The following GPAM variants were observed in gnomAD, a reference collection of about 807,000 sequenced individuals.
GPAM encodes glycerol-3-phosphate acyltransferase 1, mitochondrial.
GPAM carries 56 observed loss-of-function variants against 105.0 expected under a neutral mutation model. The ratio of observed to expected loss-of-function variants is 0.53; its 90% confidence interval spans 0.43 to 0.67. GPAM has a LOEUF of 0.67. Ranked by LOEUF, GPAM falls within the 30% of genes least tolerant of loss-of-function variation. The pLI is 0.00. For missense variants in GPAM, 855 were observed against 989.8 expected (o/e 0.86, Z 1.83); for synonymous variants, 368 against 354.4 (o/e 1.04, Z -0.43).
chr10:112,212,449 G>C (rs1016656083), intron 1 of GPAM, among the ~76,000 whole-genome samples: 6 of 152,116 alleles, frequency 3.9e-5, no homozygotes, highest in Non-Finnish European at 8.8e-5. Flanking sequence ...ATTTTCAGTA[G>C]AGACGGGATT....
At chr10:112,221,584 AG>A in the GPAM span, among the ~76,000 whole-genome samples, 1 of 152,214 alleles carries the variant, frequency 6.6e-6, no homozygotes, top group South Asian at 2.1e-4. Flanking sequence ...GTATAAGATA[AG>A]GCATTTAAGT....
chr10:112,150,872 C>T lies in GPAM; in HGVS notation c.*2678G>A. ...GTTACTGGCAATTCCACAATTTGGG[C>T]TTACATTCATTGTAATCCCAGAAAT... is the stretch of plus-strand genomic sequence containing the variant. On this transcript the variant is annotated 3_prime_UTR_variant, in exon 22 of 22. Coordinates refer to ENST00000348367, the MANE Select transcript of GPAM (RefSeq NM_001244949.2). The T allele has an allele frequency of 1.0e-6, 1 of 984,530 alleles. No individual in the cohort carries two copies. The highest frequency in any genetic ancestry group is 5.2e-4 in the Middle Eastern group (1 of 1,912). 61.0% of individuals were successfully genotyped at this position (984,530 alleles called of 1,614,324 possible).
At chr10:112,201,286 AC>A (rs1847793813) in intron 1 of GPAM, among the ~76,000 whole-genome samples, 4 of 152,286 alleles carry the variant, frequency 2.6e-5, no homozygotes, top group African/African-American at 9.6e-5. Context: ...AATGCCTGAG[AC>A]CAAAGAGGAT....
At position 112,173,747 on chromosome 10, in the gene GPAM, T is replaced by G. The variant is rs1847354000; in HGVS notation, c.512A>C (p.Lys171Thr). ...KAVNKVKKKA[K>T]RILQEMVATV... ...GGCAACCATTTCTTGAAGAATCCTTTTAGCTTTCTTTTTCACTTTGTTAAC... is the reference window on the plus strand; with the variant it reads ...GGCAACCATTTCTTGAAGAATCCTTGTAGCTTTCTTTTTCACTTTGTTAAC... Residue 171 changes from lysine (K) to threonine (T), a missense_variant, in exon 7 of 22, where the codon AAA becomes ACA. Transcript: ENST00000348367. The G allele has an allele frequency of 3.1e-6, 5 of 1,613,852 alleles. No individual in the cohort carries two copies. The East Asian group carries it at 1.1e-4, about 36-fold the overall frequency.
At chr10:112,160,253 T>C in intron 16 of GPAM, 200 bp from the exon 17 acceptor site, 1 of 420,096 alleles carries the variant, frequency 2.4e-6, no homozygotes. Context: ...TCCAAAGACA[T>C]AAGCCCCCTC....
intron 1 of GPAM, among the ~76,000 whole-genome samples, chr10:112,210,887 A>C (rs577027203): frequency 9.2e-5 from 14 of 152,358 alleles, no homozygotes; most frequent in South Asian, 4.1e-4. Context: ...GGGAGCACTC[A>C]TGGGCAGCCA....
chr10:112,204,816 G>A (rs1173388220), intron 1 of GPAM, among the ~76,000 whole-genome samples: 1 of 145,360 alleles, frequency 6.9e-6, no homozygotes, highest in South Asian at 2.3e-4. Flanking sequence ...GTTCTGGCCA[G>A]GGCAATCAGG....
At chr10:112,155,536 T>C (rs1261871259) in intron 20 of GPAM, 1 of 300,236 alleles carries the variant, frequency 3.3e-6, no homozygotes, top group African/African-American at 2.2e-5. Flanking sequence ...AGCTGTGAAC[T>C]GAAAACAACC....
intron 4 of GPAM, among the ~76,000 whole-genome samples, chr10:112,179,355 T>C (rs1431395342): frequency 1.3e-5 from 2 of 152,196 alleles, no homozygotes; most frequent in Non-Finnish European, 2.9e-5. Context: ...AAATTAGAAT[T>C]AGACTAGATG....
intron 1 of GPAM, among the ~76,000 whole-genome samples, chr10:112,208,020 C>T (rs902662269): frequency 1.3e-5 from 2 of 152,210 alleles, no homozygotes; most frequent in Non-Finnish European, 2.9e-5. Flanking sequence ...ATTCGGCTTG[C>T]CTGGTGGACA....
intron 16 of GPAM, 72 bp downstream of exon 16, chr10:112,160,532 G>T (rs1331172532): frequency 1.4e-6 from 2 of 1,437,538 alleles, no homozygotes; most frequent in Non-Finnish European, 2.0e-6. Flanking sequence ...AATTAAAGCA[G>T]ATACCACTAT....
Position 112,153,350 on chromosome 10 carries a change from T to C in GPAM, c.*200A>G. On this transcript the variant is annotated 3_prime_UTR_variant, in exon 22 of 22. Coordinates refer to ENST00000348367, the MANE Select transcript of GPAM (RefSeq NM_001244949.2). ...ATAGAGGCTGAGGTCCCCCCAAGTGTTATCTGCAGGCTGCTGTGTTGATGC... is the reference window on the plus strand; with the variant it reads ...ATAGAGGCTGAGGTCCCCCCAAGTGCTATCTGCAGGCTGCTGTGTTGATGC... 1 of 1,493,752 alleles carries C rather than the reference T, an allele frequency of 6.7e-7. No homozygotes were observed. Among genetic ancestry groups the C allele is most frequent in the Non-Finnish European group, 8.9e-7 (1 of 1,127,810 alleles). The allele number at this position is 1,493,752 out of a possible 1,614,324, so 92.5% of individuals were successfully genotyped here.
At chr10:112,191,556 C>G (rs915991500) in intron 1 of GPAM, among the ~76,000 whole-genome samples, 7 of 152,122 alleles carry the variant, frequency 4.6e-5, no homozygotes, top group Admixed American at 1.3e-4. Flanking sequence ...AGGTATTTTT[C>G]CTTTCTCCCA....
At chr10:112,199,673 A>G (rs1376125166) in intron 1 of GPAM, among the ~76,000 whole-genome samples, 4 of 152,178 alleles carry the variant, frequency 2.6e-5, no homozygotes, top group Non-Finnish European at 5.9e-5. Context: ...AAGAGGCTTA[A>G]TTGATTCACA....
At chr10:112,227,083 G>A in the GPAM span, among the ~76,000 whole-genome samples, 1 of 152,254 alleles carries the variant, frequency 6.6e-6, no homozygotes, top group South Asian at 2.1e-4. Context: ...GACCCCTCAG[G>A]CATGCCACTC....
At chr10:112,196,431 A>C (rs1847725178) in intron 1 of GPAM, among the ~76,000 whole-genome samples, 1 of 152,200 alleles carries the variant, frequency 6.6e-6, no homozygotes, top group South Asian at 2.1e-4. Context: ...TAAAAGCTCA[A>C]ATATTTTCCT....
chr10:112,182,802 A>G lies in GPAM; in HGVS notation c.-38T>C, dbSNP rs569393559. 2.0e-5 allele frequency: 3 copies of G among 152,354 alleles called. No homozygotes were observed. The highest frequency in any genetic ancestry group is 7.2e-5 in the African/African-American group (3 of 41,582). 9.4% of individuals were successfully genotyped at this position (152,354 alleles called of 1,614,324 possible). On this transcript the variant is annotated 5_prime_UTR_variant, in exon 2 of 22. Transcript: ENST00000348367. Reference sequence around the variant, plus strand: ...AGAATAAACCAATGCACCTGGGATGAAAGTTCTTCTGTTTCATAACATAAA... The same window carrying G: ...AGAATAAACCAATGCACCTGGGATGGAAGTTCTTCTGTTTCATAACATAAA...
intron 1 of GPAM, among the ~76,000 whole-genome samples, chr10:112,193,275 A>C (rs545280700): frequency 6.6e-6 from 1 of 152,302 alleles, no homozygotes; most frequent in African/African-American, 2.4e-5. Context: ...CATAGGCTAC[A>C]ACTGGGACCA....
chr10:112,191,881 GC>G (rs1847663186), intron 1 of GPAM, among the ~76,000 whole-genome samples: 2 of 152,178 alleles, frequency 1.3e-5, no homozygotes, highest in South Asian at 4.1e-4. Flanking sequence ...CTTGGAGGTG[GC>G]AGGGCTTCAA....
Sources: gnomAD v4.1 joint callset for allele counts (sites outside exome capture counted in the v4.1 genomes callset) on GRCh38, gnomAD v4.1.1 for gene constraint, MANE v1.5 for transcripts, NCBI Gene and HGNC (gene_info 2026-07-23, HGNC 2026-07-21) for gene names.